The following RNF150 variants were observed in gnomAD, a reference collection of about 807,000 sequenced individuals.
RNF150 encodes ring finger protein 150.
In RNF150, 24 loss-of-function variants were observed where a neutral mutation model predicts 39.3. The ratio of observed to expected loss-of-function variants is 0.61; its 90% CI spans 0.44 to 0.86. RNF150 has a LOEUF of 0.86. RNF150 is among the 40% of genes least tolerant of loss of function. RNF150 has a pLI of 0.00. For synonymous variants in RNF150, 255 were observed against 227.3 expected (o/e 1.12, Z -1.10); for missense variants, 502 against 587.8 (o/e 0.85, Z 1.51).
intron 4 of RNF150, among the ~76,000 whole-genome samples, chr4:140,943,830 T>C (rs1732181938): frequency 6.6e-6 from 1 of 152,106 alleles, no homozygotes; most frequent in South Asian, 2.1e-4. Context: ...TCCTTAGTTG[T>C]GGAGGAGAGT....
chr4:140,865,175 T>C lies in RNF150; in HGVS notation c.*3086A>G, dbSNP rs1466246114. On this transcript the variant is annotated 3_prime_UTR_variant, in exon 7 of 7. Coordinates refer to ENST00000515673, the MANE Select transcript of RNF150 (RefSeq NM_020724.2). The stretch of plus-strand genomic sequence containing the variant: ...AGAAGACTTAGTACACAAAAGCATG[T>C]AAAACATGTCATTAATTTACATTAG... 2 of 152,206 alleles carry C rather than the reference T, an allele frequency of 1.3e-5. No homozygotes were observed. Among genetic ancestry groups the C allele is most frequent in the African/African-American group, 4.8e-5 (2 of 41,456 alleles). 9.4% of individuals were successfully genotyped at this position (152,206 alleles called of 1,614,324 possible). A position where few individuals can be genotyped will look rare whatever the true frequency, so the allele number is the denominator to read the frequency against.
intron 4 of RNF150, among the ~76,000 whole-genome samples, chr4:140,931,732 C>T (rs539668418): frequency 6.6e-6 from 1 of 152,332 alleles, no homozygotes; most frequent in African/African-American, 2.4e-5. Context: ...TTTCTTTCCT[C>T]ATTCACCAAA....
chr4:141,207,630 C>A (rs1728395411), intron 1 of RNF150, among the ~76,000 whole-genome samples: 1 of 152,158 alleles, frequency 6.6e-6, no homozygotes, highest in Non-Finnish European at 1.5e-5. Context: ...AGGAACGCAG[C>A]CCTCCTGACA....
At chr4:141,089,328 ACT>A (rs1738488308) in intron 1 of RNF150, among the ~76,000 whole-genome samples, 1 of 151,560 alleles carries the variant, frequency 6.6e-6, no homozygotes, top group East Asian at 1.9e-4. Flanking sequence ...TGGACCAGCG[ACT>A]CTGGTTTAAC....
rs573368714 is a variant in RNF150 at position 141,122,120 on chromosome 4, G to A, written c.484+10205C>T. On this transcript the variant is annotated intron_variant, in intron 1 of 6. Coordinates refer to ENST00000515673, the MANE Select transcript of RNF150 (RefSeq NM_020724.2). Reference sequence around the variant, plus strand: ...AAATGAAAGAAAATGAGCCCCAGAGGAGGGAAGTGACTTGCCAACCGAAAA... The same window carrying A: ...AAATGAAAGAAAATGAGCCCCAGAGAAGGGAAGTGACTTGCCAACCGAAAA... 2.6e-5 allele frequency among the ~76,000 whole-genome samples: 4 copies of A among 152,304 alleles called. No individual in the cohort carries two copies. In the South Asian group the frequency reaches 8.3e-4, roughly 32 times the overall value.
intron 6 of RNF150, among the ~76,000 whole-genome samples, chr4:140,900,002 G>GTGTGTGTGTGTGTC (rs1352482367): frequency 6.9e-6 from 1 of 144,516 alleles, no homozygotes; most frequent in South Asian, 2.3e-4. Context: ...GTGTGTGTGT[G>GTGTGTGTGTGTGTC]TGTCCCATTT....
At chr4:141,046,275 T>C (rs2110875156) in intron 1 of RNF150, among the ~76,000 whole-genome samples, 1 of 152,308 alleles carries the variant, frequency 6.6e-6, no homozygotes, top group South Asian at 2.1e-4. Context: ...GCTTTCACAT[T>C]TTCTGTCTTC....
intron 1 of RNF150, among the ~76,000 whole-genome samples, chr4:141,088,443 T>C (rs1738451848): frequency 6.6e-6 from 1 of 152,234 alleles, no homozygotes; most frequent in African/African-American, 2.4e-5. Flanking sequence ...TTATATTAGA[T>C]ATTAGCATGA....
chr4:141,168,004 G>A (rs996846967), intron 1 of RNF150, among the ~76,000 whole-genome samples: 2 of 152,056 alleles, frequency 1.3e-5, no homozygotes, highest in African/African-American at 2.4e-5. Flanking sequence ...GAGTGAAAAG[G>A]CAACCTACAG....
intron 4 of RNF150, among the ~76,000 whole-genome samples, chr4:140,929,579 G>T (rs1192436399): frequency 6.6e-6 from 1 of 151,838 alleles, no homozygotes; most frequent in Non-Finnish European, 1.5e-5. Flanking sequence ...TGTTGGCCAG[G>T]ATGGTCTCGA....
rs960160770 is a variant in RNF150, at chr4:140,861,319, A to G, written c.*6942T>C. Reference sequence around the variant, plus strand: ...GCATCTTCTTTGCAAACAGAGCAACATTATCCTTCAACATTTTGCAGAAGT... The same window carrying G: ...GCATCTTCTTTGCAAACAGAGCAACGTTATCCTTCAACATTTTGCAGAAGT... On this transcript the variant is annotated 3_prime_UTR_variant, in exon 7 of 7. Coordinates refer to ENST00000515673, the MANE Select transcript of RNF150 (RefSeq NM_020724.2). 7 of 152,210 alleles carry G rather than the reference A, an allele frequency of 4.6e-5. No individual in the cohort carries two copies. The highest frequency in any genetic ancestry group is 1.9e-4 in the East Asian group (1 of 5,188). The allele number at this position is 152,210 out of a possible 1,614,324, so 9.4% of individuals were successfully genotyped here. A position where few individuals can be genotyped will look rare whatever the true frequency, so the allele number is the denominator to read the frequency against.
At chr4:141,026,399 T>C (rs1472550471) in intron 1 of RNF150, among the ~76,000 whole-genome samples, 1 of 152,216 alleles carries the variant, frequency 6.6e-6, no homozygotes, top group Non-Finnish European at 1.5e-5. Flanking sequence ...TGCTATTGAA[T>C]AGAAATATAA....
chr4:141,049,780 A>AC (rs55749628), intron 1 of RNF150, among the ~76,000 whole-genome samples: 17,959 of 152,136 alleles, frequency 0.12, 1,539 homozygotes, highest in East Asian at 0.39. Context: ...TGTGATGCTT[A>AC]AATAAAAACT....
At chr4:140,978,256 G>A (rs1402896335) in intron 1 of RNF150, among the ~76,000 whole-genome samples, 1 of 152,122 alleles carries the variant, frequency 6.6e-6, no homozygotes, top group African/African-American at 2.4e-5. Flanking sequence ...TATGTCAAAT[G>A]CTGATGTTCC....
chr4:140,970,844 T>C (rs1289942888), intron 1 of RNF150, among the ~76,000 whole-genome samples: 1 of 152,118 alleles, frequency 6.6e-6, no homozygotes, highest in Non-Finnish European at 1.5e-5. Flanking sequence ...TTCAACCTTA[T>C]TCATTTTCAG....
chr4:141,088,468 TTCTTA>T lies in RNF150; in HGVS notation c.484+43852_484+43856del, dbSNP rs374273839. Among the ~76,000 whole-genome samples the T allele has an allele frequency of 2.3e-4, 35 of 152,332 alleles. No homozygotes were observed. In the South Asian group the frequency reaches 6.6e-3, roughly 29 times the overall value. On this transcript the variant is annotated intron_variant, in intron 1 of 6. Coordinates refer to ENST00000515673, the MANE Select transcript of RNF150 (RefSeq NM_020724.2). ...TATTAGCATGACAACTTAATGTCCT[TTCTTA>T]TCTTATAATACTGATAAAACCTTAG...
intron 1 of RNF150, among the ~76,000 whole-genome samples, chr4:141,017,715 T>C (rs1458540610): frequency 6.6e-6 from 1 of 152,224 alleles, no homozygotes; most frequent in Non-Finnish European, 1.5e-5. Flanking sequence ...TAGTTTGCCT[T>C]TTCTAGAATG....
At chr4:141,157,104 C>T (rs1727419705) in intron 1 of RNF150, among the ~76,000 whole-genome samples, 1 of 152,090 alleles carries the variant, frequency 6.6e-6, no homozygotes, top group South Asian at 2.1e-4. Flanking sequence ...ACACTGTCAT[C>T]AGAAACTCAG....
At chr4:141,162,992 C>A (rs1003091584) in intron 1 of RNF150, among the ~76,000 whole-genome samples, 2 of 152,184 alleles carry the variant, frequency 1.3e-5, no homozygotes, top group Non-Finnish European at 2.9e-5. Context: ...AGCCAGGGAG[C>A]CAACGGGTCT....
Sources: allele counts gnomAD v4.1 joint callset (sites outside exome capture counted in the v4.1 genomes callset), GRCh38; gene constraint gnomAD v4.1.1; transcripts MANE v1.5; gene names NCBI Gene and HGNC (gene_info 2026-07-23, HGNC 2026-07-21).